Variants in DNAH17 observed in about 807,000 individuals in gnomAD.
The protein encoded by DNAH17 is dynein axonemal heavy chain 17.
DNAH17 carries 376 observed loss-of-function variants against 485.6 expected under a neutral mutation model. That is an observed-to-expected ratio of 0.77 (90% confidence interval 0.71 to 0.84). The LOEUF (loss-of-function observed/expected upper bound fraction) is 0.84. Ranked by LOEUF, DNAH17 falls within the 40% of genes least tolerant of loss-of-function variation. DNAH17 has a pLI of 0.00. For synonymous variants in DNAH17, 3,031 were observed against 2,405.9 expected, an observed-to-expected ratio of 1.26 and a Z score of -7.60; for missense variants, 6,370 against 5,839.3, an observed-to-expected ratio of 1.09 and a Z score of -2.96.
chr17:78,460,059 C>G (rs937015053), intron 59 of DNAH17, 58 bp from the exon 60 acceptor site: 1 of 1,597,536 alleles, frequency 6.3e-7, no homozygotes, highest in Non-Finnish European at 8.5e-7. Context: ...CTCGGTGATG[C>G]CCCGAAGAAG....
chr17:78,477,112 C>A (rs1042865254), intron 51 of DNAH17, among the ~76,000 whole-genome samples: 2 of 152,162 alleles, frequency 1.3e-5, no homozygotes, highest in African/African-American at 4.8e-5. Flanking sequence ...CCTGGCTTGG[C>A]CATTTACTAA....
chr17:78,561,067 G>A (rs1308764837), intron 12 of DNAH17, 132 bp from the exon 13 acceptor site: 2 of 812,426 alleles, frequency 2.5e-6, no homozygotes, highest in East Asian at 5.4e-5. Context: ...CTCACAGACT[G>A]AATATGCAAA....
rs548405892 is a variant in DNAH17 at position 78,459,094 on chromosome 17, G to A, written c.9768C>T (p.Cys3256=). 201 of 1,613,900 alleles carry A rather than the reference G, an allele frequency of 1.2e-4. No homozygotes were observed. The highest frequency in any genetic ancestry group is 3.3e-4 in the Middle Eastern group (2 of 6,084). Residue 3256 remains cysteine (C), a synonymous_variant, in exon 61 of 81, where the codon TGC becomes TGT. Coordinates refer to ENST00000389840, the MANE Select transcript of DNAH17 (RefSeq NM_173628.4). ...INIVRFYEVY[C]DVAPKRQALE... is the part of the protein sequence containing the mutation. ...GTGCCTGCCTCTTGGGCGCCACGTC[G>A]CAGTAGACCTCGTAGAAGCGGACGA...
chr17:78,543,929 T>C lies in DNAH17; in HGVS notation c.2460A>G (p.Gly820=). Residue 820 remains glycine (G), a synonymous_variant, in exon 17 of 81, where the codon GGA becomes GGG. Coordinates refer to ENST00000389840, the MANE Select transcript of DNAH17 (RefSeq NM_173628.4). ...AGCGCTTGTTGAGGTTGGCAATTCT[T>C]CCATCCAAGTCTAACAGGGCCTCTT... ...NKKEALLDLD[G]RIANLNKRYA... is the part of the protein sequence containing the mutation. 1 of 1,614,078 alleles carries C rather than the reference T, an allele frequency of 6.2e-7. No homozygotes were observed. The highest frequency in any genetic ancestry group is 1.3e-5 in the African/African-American group (1 of 75,068).
At chr17:78,561,071 A>G in intron 12 of DNAH17, 136 bp from the exon 13 acceptor site, 1 of 801,672 alleles carries the variant, frequency 1.2e-6, no homozygotes, top group Non-Finnish European at 2.0e-6. Flanking sequence ...CAGACTGAAT[A>G]TGCAAACAAG....
chr17:78,501,922 C>A, intron 33 of DNAH17, 49 bp from the exon 34 acceptor site: 1 of 1,607,022 alleles, frequency 6.2e-7, no homozygotes, highest in Non-Finnish European at 8.5e-7. Flanking sequence ...CCCACATGCA[C>A]TGGGGGGTCT....
chr17:78,555,383 T>C (rs2143598334), intron 14 of DNAH17, among the ~76,000 whole-genome samples: 1 of 152,024 alleles, frequency 6.6e-6, no homozygotes, highest in Middle Eastern at 3.4e-3. Flanking sequence ...CTACCATACC[T>C]GGAGTCCAAG....
intron 19 of DNAH17, among the ~76,000 whole-genome samples, chr17:78,534,210 C>T (rs974395958): frequency 6.6e-6 from 1 of 152,230 alleles, no homozygotes; most frequent in Admixed American, 6.5e-5. Flanking sequence ...CAACTGAAGA[C>T]AGCCTATAGC....
chr17:78,575,581 G>A (rs570480166), intron 1 of DNAH17, among the ~76,000 whole-genome samples: 7 of 152,270 alleles, frequency 4.6e-5, no homozygotes, highest in Admixed American at 6.5e-5. Flanking sequence ...AGTCTTAGCC[G>A]CAGCCGTGGT....
rs1281006428 is a variant in DNAH17 at position 78,475,389 on chromosome 17, C to T, written c.8400G>A (p.Val2800=). The change falls in exon 54 of 81, where the codon GTG becomes GTA. Residue 2800 remains valine, a synonymous_variant. Coordinates refer to ENST00000389840, the MANE Select transcript of DNAH17 (RefSeq NM_173628.4). ...TCTGTTTGCCACTGCCGCCCACCCC[C>T]ACCAGCAGGGCATTCCCCCGGGGAG... is the stretch of plus-strand genomic sequence containing the variant. The part of the protein sequence containing the change: ...LESPRGNALL[V]GVGGSGKQSL... 1 of 1,614,000 alleles carries T rather than the reference C, an allele frequency of 6.2e-7. No individual in the cohort carries two copies. Among genetic ancestry groups the T allele is most frequent in the Non-Finnish European group, 8.5e-7 (1 of 1,179,900 alleles).
chr17:78,467,612 G>A (rs1186825973), intron 55 of DNAH17, among the ~76,000 whole-genome samples: 1 of 152,166 alleles, frequency 6.6e-6, no homozygotes, highest in Non-Finnish European at 1.5e-5. Flanking sequence ...GCCGGCAGGT[G>A]TCCAGGAGAG....
intron 1 of DNAH17, 74 bp from the exon 2 acceptor site, chr17:78,575,156 A>G (rs1279705324): frequency 2.1e-6 from 2 of 973,212 alleles, no homozygotes; most frequent in Non-Finnish European, 3.0e-6. Flanking sequence ...CTGGCACCGC[A>G]GGAAATCTCT....
At position 78,529,414 on chromosome 17, in the gene DNAH17, G is replaced by T. The variant is rs540924822; in HGVS notation, c.3507+58C>A. ...GCGTTTGATGGGCTGGTCCATGGTC[G>T]CGGCCGGGATGGCTCTCCCTGCTCA... On this transcript the variant is annotated intron_variant, in intron 22 of 80. Coordinates refer to ENST00000389840, the MANE Select transcript of DNAH17 (RefSeq NM_173628.4). 17 of 1,562,694 alleles carry T rather than the reference G, an allele frequency of 1.1e-5. 1 individual carries two copies. In the South Asian group the frequency reaches 1.8e-4, roughly 16 times the overall value.
intron 7 of DNAH17, 83 bp from the exon 8 acceptor site, chr17:78,569,610 G>A (rs1001363348): frequency 4.9e-5 from 73 of 1,476,876 alleles, no homozygotes; most frequent in Non-Finnish European, 6.5e-5. Flanking sequence ...CAGGACCTGT[G>A]ATCTGTTCTG....
intron 2 of DNAH17, among the ~76,000 whole-genome samples, chr17:78,573,385 G>T (rs946250596): frequency 4.6e-5 from 7 of 152,068 alleles, no homozygotes; most frequent in Non-Finnish European, 1.0e-4. Flanking sequence ...CATCACCTGA[G>T]GTCAAGAGTT....
chr17:78,468,388 G>A (rs1347085113), intron 55 of DNAH17, among the ~76,000 whole-genome samples: 1 of 152,084 alleles, frequency 6.6e-6, no homozygotes, highest in Non-Finnish European at 1.5e-5. Context: ...GATACCAAAG[G>A]ACGACTGTAA....
Position 78,468,817 on chromosome 17 carries a change from C to A in DNAH17, c.8578G>T (p.Asp2860Tyr), listed in dbSNP as rs1222888506. 6.2e-7 allele frequency: 1 copy of A among 1,613,920 alleles called. No homozygotes were observed. The highest frequency in any genetic ancestry group is 8.5e-7 in the Non-Finnish European group (1 of 1,179,914). The change falls in exon 55 of 81, where the codon GAC (aspartate) becomes TAC (tyrosine). Residue 2860 changes from aspartate (D) to tyrosine (Y), a missense_variant. Physicochemically the swap from Asp to Tyr is radical, Grantham distance 160. Coordinates refer to ENST00000389840, the MANE Select transcript of DNAH17 (RefSeq NM_173628.4). The stretch of plus-strand genomic sequence containing the variant: ...AACTGCTCCTCGGCCACCTGGGAGT[C>A]TGTCATCAGGAACACCGAGGGAACG... ...KNVPSVFLMT[D>Y]SQVAEEQFLV...
intron 15 of DNAH17, among the ~76,000 whole-genome samples, chr17:78,552,292 G>GGGACTC (rs1297478080): frequency 1.3e-5 from 2 of 152,196 alleles, no homozygotes; most frequent in Non-Finnish European, 2.9e-5. Context: ...AGGGAAGACA[G>GGGACTC]GGACTCGTGA....
intron 51 of DNAH17, chr17:78,478,811 T>C (rs1373542756): frequency 3.8e-6 from 2 of 532,458 alleles, no homozygotes; most frequent in Admixed American, 7.3e-5. Flanking sequence ...ACCACCATCA[T>C]CACATCACCA....
Sources: gnomAD v4.1 joint callset for allele counts (sites outside exome capture counted in the v4.1 genomes callset) on GRCh38, gnomAD v4.1.1 for gene constraint, MANE v1.5 for transcripts, NCBI Gene and HGNC (gene_info 2026-07-23, HGNC 2026-07-21) for gene names.